Variants in LIX1 observed in about 807,000 individuals in gnomAD.
LIX1 encodes limb and CNS expressed 1, also known as protein limb expression 1 homolog.
LIX1 carries 24 observed loss-of-function variants against 33.4 expected under a neutral mutation model. The observed-to-expected ratio is 0.72, with a 90% CI of 0.52 to 1.01. The LOEUF (loss-of-function observed/expected upper bound fraction) is 1.01. Among genes scored for constraint, LIX1 ranks in the 50% least tolerant of loss-of-function variants. LIX1 has a pLI of 0.00. For synonymous variants in LIX1, 124 were observed against 124.0 expected, an observed-to-expected ratio of 1.00 and a Z score of 0.00; for missense variants, 311 against 339.2, an observed-to-expected ratio of 0.92 and a Z score of 0.65.
intron 2 of LIX1, among the ~76,000 whole-genome samples, chr5:97,121,130 A>C (rs1747774419): frequency 1.3e-5 from 2 of 152,260 alleles, no homozygotes; most frequent in South Asian, 4.1e-4. Context: ...TGCCCCCTGA[A>C]GTTTCCCTAA....
intron 4 of LIX1, chr5:97,102,934 G>A (rs1746791700): frequency 2.7e-6 from 1 of 372,648 alleles, no homozygotes. Context: ...TCCTGCTTAG[G>A]GGAAGCATTA....
At chr5:97,108,267 C>T (rs1747174032) in intron 2 of LIX1, among the ~76,000 whole-genome samples, 1 of 152,214 alleles carries the variant, frequency 6.6e-6, no homozygotes, top group African/African-American at 2.4e-5. Context: ...CTCCCTTGGT[C>T]TCAATCCATG....
intron 1 of LIX1, among the ~76,000 whole-genome samples, chr5:97,138,247 C>A (rs138739605): frequency 6.6e-6 from 1 of 152,198 alleles, no homozygotes; most frequent in Non-Finnish European, 1.5e-5. Flanking sequence ...TAGAAACCAA[C>A]TCATTCTCAT....
intron 1 of LIX1, among the ~76,000 whole-genome samples, chr5:97,141,753 G>A (rs1174017678): frequency 6.6e-6 from 1 of 152,194 alleles, no homozygotes; most frequent in Admixed American, 6.5e-5. Context: ...ACAACATGAA[G>A]ATAGTCTGTT....
rs1016872695 is a variant in LIX1 at position 97,126,637 on chromosome 5, CTT to C, written c.83-2010_83-2009del. ...AAATATTTGAAATAATATTTTCTTT[CTT>C]TTTTTTTTTTTTTTTTTTGAGACAG... is the stretch of plus-strand genomic sequence containing the variant. On this transcript the variant is annotated intron_variant, in intron 1 of 5. Transcript: ENST00000274382. 9.9e-3 allele frequency among the ~76,000 whole-genome samples: 1,220 copies of C among 123,566 alleles called. 7 individuals are homozygous for C. Among genetic ancestry groups the C allele is most frequent in the African/African-American group, 0.036 (1,155 of 32,466 alleles). The allele number at this position is 123,566 out of a possible 152,430, so 81.1% of individuals were successfully genotyped here. A position where few individuals can be genotyped will look rare whatever the true frequency, so the allele number is the denominator to read the frequency against.
intron 1 of LIX1, among the ~76,000 whole-genome samples, chr5:97,134,180 A>T (rs1748123427): frequency 6.6e-6 from 1 of 152,138 alleles, no homozygotes; most frequent in Admixed American, 6.5e-5. Flanking sequence ...TGTGTAATGG[A>T]GCTTTCTCAG....
chr5:97,111,524 C>T (rs920940086), intron 2 of LIX1, among the ~76,000 whole-genome samples: 1 of 152,072 alleles, frequency 6.6e-6, no homozygotes, highest in Non-Finnish European at 1.5e-5. Flanking sequence ...AAGCAAACAA[C>T]GTTTTTGCAA....
At chr5:97,097,212 A>C (rs1019806374) in intron 4 of LIX1, among the ~76,000 whole-genome samples, 1 of 152,240 alleles carries the variant, frequency 6.6e-6, no homozygotes, top group Non-Finnish European at 1.5e-5. Context: ...ATATCTGAGA[A>C]ATAGTGTATA....
chr5:97,098,796 A>G (rs1337488525), intron 4 of LIX1, among the ~76,000 whole-genome samples: 1 of 152,246 alleles, frequency 6.6e-6, no homozygotes, highest in Admixed American at 6.5e-5. Context: ...TATGAAAATC[A>G]GGAGACTCAT....
intron 1 of LIX1, among the ~76,000 whole-genome samples, chr5:97,136,262 C>T (rs557351423): frequency 6.6e-6 from 1 of 152,354 alleles, no homozygotes; most frequent in Non-Finnish European, 1.5e-5. Flanking sequence ...AGAGCCCCGA[C>T]TTTCTTGATG....
At chr5:97,117,180 G>T (rs888311433) in intron 2 of LIX1, among the ~76,000 whole-genome samples, 11 of 152,142 alleles carry the variant, frequency 7.2e-5, no homozygotes, top group African/African-American at 2.7e-4. Context: ...AGTCTCATTA[G>T]TTATAAAACA....
chr5:97,117,038 A>G (rs1469339587), intron 2 of LIX1, among the ~76,000 whole-genome samples: 1 of 152,228 alleles, frequency 6.6e-6, no homozygotes, highest in Non-Finnish European at 1.5e-5. Flanking sequence ...AAGTTAGGGA[A>G]GGAGGCTGGG....
intron 4 of LIX1, among the ~76,000 whole-genome samples, chr5:97,104,863 A>G (rs1371440044): frequency 6.6e-6 from 1 of 152,210 alleles, no homozygotes; most frequent in Non-Finnish European, 1.5e-5. Context: ...GTAACAACCA[A>G]CATGTCAAAC....
At chr5:97,119,275 A>G (rs1316847933) in intron 2 of LIX1, among the ~76,000 whole-genome samples, 3 of 152,194 alleles carry the variant, frequency 2.0e-5, no homozygotes, top group Non-Finnish European at 2.9e-5. Flanking sequence ...CCATCGTGAA[A>G]TGATTTGTAA....
chr5:97,128,567 G>T (rs1325152201), intron 1 of LIX1, among the ~76,000 whole-genome samples: 1 of 151,988 alleles, frequency 6.6e-6, no homozygotes, highest in South Asian at 2.1e-4. Flanking sequence ...ACTGCCATTT[G>T]GATGTTGCAA....
chr5:97,096,257 A>C (rs1441351038), intron 5 of LIX1, among the ~76,000 whole-genome samples: 2 of 152,240 alleles, frequency 1.3e-5, no homozygotes, highest in Non-Finnish European at 2.9e-5. Flanking sequence ...ATAACAAAGA[A>C]ATAGTGAGAC....
At chr5:97,097,593 C>T (rs1746456918) in intron 4 of LIX1, among the ~76,000 whole-genome samples, 1 of 152,126 alleles carries the variant, frequency 6.6e-6, no homozygotes, top group Non-Finnish European at 1.5e-5. Context: ...CTTCTTGTGA[C>T]ATTATTTTGC....
chr5:97,114,077 A>G (rs958491622), intron 2 of LIX1, among the ~76,000 whole-genome samples: 19 of 152,346 alleles, frequency 1.2e-4, no homozygotes, highest in South Asian at 6.2e-4. Flanking sequence ...TGTAGGAAGC[A>G]TCTCATTCTA....
At chr5:97,100,117 C>T (rs1301639873) in intron 4 of LIX1, among the ~76,000 whole-genome samples, 1 of 152,214 alleles carries the variant, frequency 6.6e-6, no homozygotes, top group East Asian at 1.9e-4. Flanking sequence ...ACTAACTGCT[C>T]TCCCCGCCCC....
Sources: allele counts gnomAD v4.1 joint callset (sites outside exome capture counted in the v4.1 genomes callset), GRCh38; gene constraint gnomAD v4.1.1; transcripts MANE v1.5; gene names NCBI Gene and HGNC (gene_info 2026-07-23, HGNC 2026-07-21).